Variants in IQGAP2 observed in about 807,000 individuals in gnomAD.
IQGAP2 encodes the protein ras GTPase-activating-like protein IQGAP2.
IQGAP2 carries 173 observed loss-of-function variants against 201.3 expected under a neutral mutation model. The observed-to-expected ratio is 0.86, with a 90% CI of 0.76 to 0.98. The LOEUF is 0.98. Among genes scored for constraint, IQGAP2 ranks in the 50% least tolerant of loss-of-function variants. The pLI is 0.00. For synonymous variants in IQGAP2, 675 were observed against 673.9 expected (o/e 1.00, Z -0.03); for missense variants, 1,687 against 1,864.8 (o/e 0.90, Z 1.76).
At chr5:76,434,192 T>C (rs186737293) in intron 1 of IQGAP2, among the ~76,000 whole-genome samples, 1 of 152,204 alleles carries the variant, frequency 6.6e-6, no homozygotes, top group Non-Finnish European at 1.5e-5. Flanking sequence ...ATATTTAAAA[T>C]TTTTAAAGAA....
At chr5:76,463,398 A>G (rs1474303999) in intron 2 of IQGAP2, among the ~76,000 whole-genome samples, 1 of 152,144 alleles carries the variant, frequency 6.6e-6, no homozygotes, top group African/African-American at 2.4e-5. Flanking sequence ...TACCTGTGGG[A>G]AGTTCAATTT....
At chr5:76,440,249 G>T (rs1398126452) in intron 1 of IQGAP2, among the ~76,000 whole-genome samples, 1 of 152,168 alleles carries the variant, frequency 6.6e-6, no homozygotes, top group East Asian at 1.9e-4. Context: ...TTTCTGCTGG[G>T]TGTGTTGGTT....
chr5:76,403,405 G>C lies in IQGAP2; in HGVS notation c.-141G>C, dbSNP rs1750615566. 1 of 540,934 alleles carries C rather than the reference G, an allele frequency of 1.8e-6. No homozygotes were observed. The highest frequency in any genetic ancestry group is 2.0e-5 in the African/African-American group (1 of 49,930). The allele number at this position is 540,934 out of a possible 1,614,324, so 33.5% of individuals were successfully genotyped here. A position where few individuals can be genotyped will look rare whatever the true frequency, so the allele number is the denominator to read the frequency against. On this transcript the variant is annotated 5_prime_UTR_variant, in exon 1 of 36. Transcript: ENST00000274364. The surrounding 1 kb of genome is among the most constrained non-coding windows in gnomAD (Gnocchi z 4.8). Reference sequence around the variant, plus strand: ...CTGGCGAGAGAGCACCGAGGGAGTGGGTCGCAGATCTTCGGGCGGCTAGGG... The same window carrying C: ...CTGGCGAGAGAGCACCGAGGGAGTGCGTCGCAGATCTTCGGGCGGCTAGGG...
chr5:76,665,219 A>G (rs1410308099), intron 22 of IQGAP2, 44 bp downstream of exon 22: 1 of 1,543,044 alleles, frequency 6.5e-7, no homozygotes, highest in African/African-American at 1.4e-5. Context: ...GAGTAATACT[A>G]TGTTACATGT....
intron 14 of IQGAP2, among the ~76,000 whole-genome samples, chr5:76,628,318 G>C (rs1750422732): frequency 1.3e-5 from 2 of 152,154 alleles, no homozygotes. Flanking sequence ...AGGGGTTTGT[G>C]GAGGTCAGGT....
At chr5:76,505,645 C>T (rs1190519046) in intron 2 of IQGAP2, among the ~76,000 whole-genome samples, 1 of 152,166 alleles carries the variant, frequency 6.6e-6, no homozygotes, top group Non-Finnish European at 1.5e-5. Context: ...AAGTAACATT[C>T]CAAGTCCACT....
At chr5:76,586,051 G>A (rs1223540090) in intron 5 of IQGAP2, among the ~76,000 whole-genome samples, 1 of 152,218 alleles carries the variant, frequency 6.6e-6, no homozygotes. Context: ...TTTTGAAAAT[G>A]TCAGCATGGT....
intron 17 of IQGAP2, among the ~76,000 whole-genome samples, chr5:76,646,134 T>G (rs1752017418): frequency 1.3e-5 from 2 of 152,164 alleles, no homozygotes; most frequent in South Asian, 4.1e-4. Flanking sequence ...ATAGGAACTG[T>G]TAAGATCCAT....
intron 2 of IQGAP2, among the ~76,000 whole-genome samples, chr5:76,482,978 A>G (rs1014097135): frequency 2.6e-5 from 4 of 152,226 alleles, no homozygotes; most frequent in African/African-American, 7.2e-5. Context: ...TATGATGTGA[A>G]AAGCAGCCTA....
At chr5:76,407,357 G>A (rs1750854454) in intron 1 of IQGAP2, among the ~76,000 whole-genome samples, 1 of 152,098 alleles carries the variant, frequency 6.6e-6, no homozygotes, top group Admixed American at 6.5e-5. Context: ...GTTTTGGGGT[G>A]GTCAGTGCAA....
chr5:76,420,865 A>G (rs752448666), intron 1 of IQGAP2, among the ~76,000 whole-genome samples: 1 of 152,214 alleles, frequency 6.6e-6, no homozygotes, highest in Non-Finnish European at 1.5e-5. Context: ...TTCACTTAGC[A>G]TGTCTTCAGG....
At chr5:76,640,854 G>T (rs1751515528) in intron 16 of IQGAP2, 79 bp from the exon 17 acceptor site, 5 of 1,065,262 alleles carry the variant, frequency 4.7e-6, no homozygotes, top group Non-Finnish European at 5.3e-6. Flanking sequence ...TTTTCTAAAA[G>T]ATAAAATATC....
chr5:76,690,336 G>A (rs1746153922), intron 30 of IQGAP2, among the ~76,000 whole-genome samples: 1 of 152,200 alleles, frequency 6.6e-6, no homozygotes, highest in South Asian at 2.1e-4. Flanking sequence ...GGGGATAGAG[G>A]AACACAGTCT....
At chr5:76,682,466 T>TAA (rs113958575) in intron 28 of IQGAP2, among the ~76,000 whole-genome samples, 49 of 138,320 alleles carry the variant, frequency 3.5e-4, no homozygotes, top group African/African-American at 8.7e-4. Context: ...TTGTTTAAAT[T>TAA]AAAAAAAAAA....
intron 1 of IQGAP2, among the ~76,000 whole-genome samples, chr5:76,456,511 C>T (rs1339712471): frequency 6.6e-6 from 1 of 152,158 alleles, no homozygotes; most frequent in Non-Finnish European, 1.5e-5. Flanking sequence ...GTTCTCTCAT[C>T]TTTATATTCC....
chr5:76,647,623 C>T (rs1405999102), intron 17 of IQGAP2, among the ~76,000 whole-genome samples: 4 of 152,094 alleles, frequency 2.6e-5, no homozygotes, highest in Non-Finnish European at 4.4e-5. Context: ...GATTGTGAGG[C>T]CTCCCCAGCC....
At chr5:76,591,280 C>T (rs777962983) in intron 8 of IQGAP2, among the ~76,000 whole-genome samples, 1 of 151,898 alleles carries the variant, frequency 6.6e-6, no homozygotes, top group Non-Finnish European at 1.5e-5. Context: ...GTTAATAATT[C>T]AGTGTGGTGA....
At chr5:76,505,861 G>A (rs1327251150) in intron 2 of IQGAP2, among the ~76,000 whole-genome samples, 1 of 152,134 alleles carries the variant, frequency 6.6e-6, no homozygotes, top group Non-Finnish European at 1.5e-5. Context: ...CTTTATTCCT[G>A]TTCCTGGTAA....
intron 2 of IQGAP2, among the ~76,000 whole-genome samples, chr5:76,524,899 T>C (rs1758881472): frequency 6.6e-6 from 1 of 152,224 alleles, no homozygotes; most frequent in Admixed American, 6.5e-5. Context: ...ATCAAGACAA[T>C]GACATCCTGC....
Sources: allele counts gnomAD v4.1 joint callset (sites outside exome capture counted in the v4.1 genomes callset), GRCh38; gene constraint gnomAD v4.1.1; non-coding constraint Gnocchi (gnomAD v3.1); transcripts MANE v1.5; gene names NCBI Gene and HGNC (gene_info 2026-07-23, HGNC 2026-07-21).